The following SHOX2 variants were observed in gnomAD, a reference collection of about 807,000 sequenced individuals.
SHOX2 encodes SHOX homeobox 2.
Under a neutral mutation model 31.3 loss-of-function variants are expected in SHOX2, and 13 were observed. The observed-to-expected ratio is 0.42, with a 90% CI of 0.27 to 0.66. The LOEUF is 0.66. SHOX2 is among the 30% of genes least tolerant of loss of function. The probability of loss-of-function intolerance (pLI) is 0.27; values close to 1 mark genes in which losing one functional copy is unlikely to be tolerated. For synonymous variants in SHOX2, 244 were observed against 196.2 expected, an observed-to-expected ratio of 1.24 and a Z score of -2.04; for missense variants, 473 against 443.0, an observed-to-expected ratio of 1.07 and a Z score of -0.61.
At chr3:158,099,971 A>C in intron 3 of SHOX2, 23 bp from the exon 4 acceptor site, 2 of 1,595,140 alleles carry the variant, frequency 1.3e-6, no homozygotes, top group Non-Finnish European at 1.7e-6. Flanking sequence ...CAAGAGAAAA[A>C]TAATGTGAGG....
intron 2 of SHOX2, among the ~76,000 whole-genome samples, chr3:158,101,107 A>G (rs1204557663): frequency 6.6e-6 from 1 of 152,256 alleles, no homozygotes; most frequent in Non-Finnish European, 1.5e-5. Flanking sequence ...CAACTTTTAC[A>G]GGCAGTATGA....
chr3:158,103,209 C>T, intron 1 of SHOX2: 1 of 446,346 alleles, frequency 2.2e-6, no homozygotes, highest in Non-Finnish European at 4.1e-6. Context: ...CAGCAAACAC[C>T]AAATGGTTTC....
chr3:158,105,747 G>C lies in SHOX2; in HGVS notation c.278C>G (p.Pro93Arg), dbSNP rs959523640. 5 of 1,522,056 alleles carry C rather than the reference G, an allele frequency of 3.3e-6. No homozygotes were observed. Among genetic ancestry groups the C allele is most frequent in the Admixed American group, 2.1e-5 (1 of 48,626 alleles). 94.3% of individuals were successfully genotyped at this position (1,522,056 alleles called of 1,614,324 possible). The change falls in exon 1 of 5, where the codon CCC becomes CGC. Residue 93 changes from proline (P) to arginine (R), a missense_variant. Pro to Arg is a moderately radical substitution (Grantham distance 103, BLOSUM62 -2). Coordinates refer to ENST00000483851, the MANE Select transcript of SHOX2 (RefSeq NM_001163678.2). ...GGCGCCCATGTCCAGCTCCCGGACGGGAGAGCGCCCTCCTCCAGCTCCTCC... is the reference window on the plus strand; with the variant it reads ...GGCGCCCATGTCCAGCTCCCGGACGCGAGAGCGCCCTCCTCCAGCTCCTCC... ...AGGGAGGGRS[P>R]VRELDMGAAE...
At chr3:158,103,761 T>C (rs1393571127) in intron 1 of SHOX2, 1 of 152,302 alleles carries the variant, frequency 6.6e-6, no homozygotes, top group Non-Finnish European at 1.5e-5. Context: ...GACTCGACCC[T>C]AAACGCTTAA....
intron 1 of SHOX2, chr3:158,105,023 T>TCCCCCCCCCCCACCCCCCCCC: frequency 9.8e-6 from 2 of 204,904 alleles, no homozygotes; most frequent in Non-Finnish European, 9.0e-6. Context: ...GATCCCCACC[T>TCCCCCCCCCCCACCCCCCCCC]CCCCCGCCGC....
intron 2 of SHOX2, 97 bp from the exon 3 acceptor site, chr3:158,100,408 G>A (rs992700215): frequency 4.8e-6 from 4 of 841,372 alleles, no homozygotes; most frequent in Non-Finnish European, 7.2e-6. Flanking sequence ...TCGTGGTTTA[G>A]ACAAGAATTG....
In SHOX2 at chr3:158,106,072, G is replaced by T. The variant is rs369347756; in HGVS notation, c.-48C>A. 8.1e-6 allele frequency: 13 copies of T among 1,607,724 alleles called. No individual in the cohort carries two copies. Among genetic ancestry groups the T allele is most frequent in the South Asian group, 1.1e-5 (1 of 90,974 alleles). On this transcript the variant is annotated 5_prime_UTR_variant, in exon 1 of 5. Transcript: ENST00000483851. ...GCTCAACCTCTGCCAGCAGAGCCCC[G>T]CTCTTTTTTTCCTTCTTCTTTTTTT...
chr3:158,102,592 C>T, intron 2 of SHOX2, 86 bp downstream of exon 2: 1 of 1,060,514 alleles, frequency 9.4e-7, no homozygotes, highest in Non-Finnish European at 1.5e-6. Flanking sequence ...CTAGAAGCAC[C>T]ACCTCCCGAG....
chr3:158,097,842 C>A lies in SHOX2; in HGVS notation c.*185G>T. The stretch of plus-strand genomic sequence containing the variant: ...ACGGAGCCTGCGTGCCTCGTGAGAT[C>A]CCTGGTCCTGCGTGGAGTCTGGCTT... On this transcript the variant is annotated 3_prime_UTR_variant, in exon 5 of 5. Coordinates refer to ENST00000483851, the MANE Select transcript of SHOX2 (RefSeq NM_001163678.2). The A allele has an allele frequency of 1.3e-6, 1 of 776,736 alleles. No homozygotes were observed. Among genetic ancestry groups the A allele is most frequent in the East Asian group, 2.5e-5 (1 of 39,282 alleles). The allele number at this position is 776,736 out of a possible 1,614,324, so 48.1% of individuals were successfully genotyped here. A position where few individuals can be genotyped will look rare whatever the true frequency, so the allele number is the denominator to read the frequency against.
intron 1 of SHOX2, chr3:158,103,105 G>A (rs554825872): frequency 6.7e-6 from 4 of 594,948 alleles, no homozygotes; most frequent in Non-Finnish European, 9.0e-6. Context: ...CTGAGCGGCC[G>A]CCTGGGGCAA....
At chr3:158,098,364 G>A in intron 4 of SHOX2, 80 bp from the exon 5 acceptor site, 1 of 1,543,708 alleles carries the variant, frequency 6.5e-7, no homozygotes, top group Non-Finnish European at 8.8e-7. Context: ...ACGGCGTCCA[G>A]CTTGGCCAGA....
chr3:158,106,329 G>T lies in SHOX2; in HGVS notation c.-305C>A. On this transcript the variant is annotated 5_prime_UTR_variant, in exon 1 of 5. Transcript: ENST00000483851. ...GAGAAGGGGCGGGGGCTGCCGGAGG[G>T]AAATGGGAACTGATGCTTCCCTGCC... is the stretch of plus-strand genomic sequence containing the variant. 1 of 430,056 alleles carries T rather than the reference G, an allele frequency of 2.3e-6. No homozygotes were observed. The highest frequency in any genetic ancestry group is 4.2e-6 in the Non-Finnish European group (1 of 240,380). The allele number at this position is 430,056 out of a possible 1,614,324, so 26.6% of individuals were successfully genotyped here.
intron 3 of SHOX2, 33 bp downstream of exon 3, chr3:158,100,221 G>A: frequency 6.7e-7 from 1 of 1,498,768 alleles, no homozygotes; most frequent in Non-Finnish European, 9.1e-7. Flanking sequence ...TCTTTGCTCA[G>A]ACTATCAAAT....
intron 2 of SHOX2, among the ~76,000 whole-genome samples, chr3:158,102,210 A>C (rs192104948): frequency 3.7e-4 from 56 of 152,248 alleles, no homozygotes; most frequent in African/African-American, 1.3e-3. Flanking sequence ...ACATCTATAA[A>C]CCTAATTGGG....
In SHOX2 at chr3:158,102,813, C is replaced by A; in HGVS notation, c.420G>T (p.Gln140His). The change falls in exon 2 of 5, where the codon CAG becomes CAT. Residue 140 changes from glutamine (Q) to histidine (H), a missense_variant. Transcript: ENST00000483851. ...GGGTGAAATTGGTCCGACTTCGCCT[C>A]TGCTTGATTTTGGTCTGGCCTTCGT... ...MEDEGQTKIK[Q>H]RRSRTNFTLE... 8 of 1,614,114 alleles carry A rather than the reference C, an allele frequency of 5.0e-6. No homozygotes were observed. Among genetic ancestry groups the A allele is most frequent in the Non-Finnish European group, 5.9e-6 (7 of 1,180,030 alleles).
chr3:158,105,707 C>G lies in SHOX2; in HGVS notation c.318G>C (p.Arg106Ser). The change falls in exon 1 of 5, where the codon AGG becomes AGC. Residue 106 changes from arginine to serine, a missense_variant. Around this residue, in one of 3 missense-constraint regions of SHOX2, gnomAD observed 276 missense variants for 230.0 expected, o/e 1.20. Transcript: ENST00000483851. ...CCGTCAGTCGCGGGCTGCCCGGCTC[C>G]CTGCTTCTCTCGGCGGCGCCCATGT... The part of the protein sequence containing the change: ...ELDMGAAERS[R>S]EPGSPRLTEV... 6.6e-7 allele frequency: 1 copy of G among 1,523,590 alleles called. No individual in the cohort carries two copies. The highest frequency in any genetic ancestry group is 8.8e-7 in the Non-Finnish European group (1 of 1,137,018). 94.4% of individuals were successfully genotyped at this position (1,523,590 alleles called of 1,614,324 possible). A position where few individuals can be genotyped will look rare whatever the true frequency, so the allele number is the denominator to read the frequency against.
In SHOX2 at chr3:158,098,177, G is replaced by C. The variant is rs1447799352; in HGVS notation, c.810C>G (p.Phe270Leu). ...CGGCCAGCGTGGCGAGCGGCAGTCC[G>C]AAGGGCGGTGCTGGGAACATCATGT... ...APYMMFPAPPFGLPLATLAAD... is the reference protein window; with the variant it reads ...APYMMFPAPPLGLPLATLAAD... Residue 270 changes from phenylalanine to leucine, a missense_variant, in exon 5 of 5, where the codon TTC becomes TTG. By Grantham distance (22) the Phe-to-Leu change is conservative (BLOSUM62 0). This residue lies in a region of SHOX2 where 182 missense variants were observed against 167.2 expected (regional missense o/e 1.09). Coordinates refer to ENST00000483851, the MANE Select transcript of SHOX2 (RefSeq NM_001163678.2). 2 of 1,613,510 alleles carry C rather than the reference G, an allele frequency of 1.2e-6. No individual in the cohort carries two copies. The highest frequency in any genetic ancestry group is 8.5e-7 in the Non-Finnish European group (1 of 1,179,790).
rs1173233830 is a variant in SHOX2 at position 158,096,824 on chromosome 3, C to A, written c.*1203G>T. The A allele has an allele frequency of 7.0e-6, 1 of 142,042 alleles. No individual in the cohort carries two copies. The highest frequency in any genetic ancestry group is 1.5e-5 in the Non-Finnish European group (1 of 66,078). 8.8% of individuals were successfully genotyped at this position (142,042 alleles called of 1,614,324 possible). A position where few individuals can be genotyped will look rare whatever the true frequency, so the allele number is the denominator to read the frequency against. ...TCTGCCCACCTCTGTCTTCTTAGGA[C>A]AATGAGTGTAATTTTTTCCCTTTCT... is the stretch of plus-strand genomic sequence containing the variant. On this transcript the variant is annotated 3_prime_UTR_variant, in exon 5 of 5. Coordinates refer to ENST00000483851, the MANE Select transcript of SHOX2 (RefSeq NM_001163678.2).
At chr3:158,105,058 C>A in intron 1 of SHOX2, 2 of 1,002,080 alleles carry the variant, frequency 2.0e-6, no homozygotes, top group Non-Finnish European at 1.4e-6. Flanking sequence ...CCCAACACAC[C>A]AAGAAACCGA....
Sources: gnomAD v4.1 joint callset for allele counts (sites outside exome capture counted in the v4.1 genomes callset) on GRCh38, gnomAD v4.1.1 for gene constraint, gnomAD v4.1.1 regional missense constraint, MANE v1.5 for transcripts, NCBI Gene and HGNC (gene_info 2026-07-23, HGNC 2026-07-21) for gene names.